UTS2B: variants seen among roughly 807,000 people sequenced by gnomAD.
UTS2B encodes the protein urotensin 2B, also known as urotensin-2B.
In UTS2B, 21 loss-of-function variants were observed where a neutral mutation model predicts 19.2. The ratio of observed to expected loss-of-function variants is 1.09; its 90% CI spans 0.78 to 1.58. The LOEUF (loss-of-function observed/expected upper bound fraction) is 1.58, where lower values mean the gene tolerates loss of function less well. Ranked by LOEUF, UTS2B falls within the 40% of genes most tolerant of loss-of-function variation. UTS2B has a pLI of 0.00. For synonymous variants in UTS2B, 57 were observed against 50.2 expected (o/e 1.14, Z -0.58); for missense variants, 138 against 130.3 (o/e 1.06, Z -0.29).
the UTS2B span, among the ~76,000 whole-genome samples, chr3:191,336,511 C>A: frequency 2.0e-5 from 3 of 151,882 alleles, no homozygotes; most frequent in South Asian, 2.1e-4. Context: ...ATTTTAAAAT[C>A]GACTATTTTC....
At chr3:191,302,234 T>C (rs888347192) in intron 4 of UTS2B, among the ~76,000 whole-genome samples, 2 of 152,194 alleles carry the variant, frequency 1.3e-5, no homozygotes, top group Admixed American at 6.5e-5. Flanking sequence ...GCCAGCATCA[T>C]GACAGTTTAC....
intron 1 of UTS2B, chr3:191,329,320 C>T (rs1576941711): frequency 4.0e-6 from 1 of 251,494 alleles, no homozygotes; most frequent in South Asian, 1.0e-4. Flanking sequence ...TACAGACCTG[C>T]AGCTCCCCCT....
In UTS2B at chr3:191,275,294, A is replaced by G; in HGVS notation, c.292T>C (p.Tyr98His). The G allele has an allele frequency of 6.2e-7, 1 of 1,613,928 alleles. No homozygotes were observed. The highest frequency in any genetic ancestry group is 8.5e-7 in the Non-Finnish European group (1 of 1,179,860). Residue 98 changes from tyrosine to histidine, a missense_variant, in exon 8 of 9, where the codon TAT (tyrosine) becomes CAT (histidine). Tyr to His is a moderately conservative substitution (Grantham distance 83). Transcript: ENST00000340524. The stretch of plus-strand genomic sequence containing the variant: ...GAAGAGAATAGACCATCTACAGCAT[A>G]GGACGTCTCAGAATCCTTCTCCTCC... ...LVEEKDSETSYAVDGLFSSHP... is the reference protein window; with the variant it reads ...LVEEKDSETSHAVDGLFSSHP...
chr3:191,271,808 AT>A (rs1467161111), intron 8 of UTS2B, among the ~76,000 whole-genome samples: 3 of 152,224 alleles, frequency 2.0e-5, no homozygotes, highest in Non-Finnish European at 4.4e-5. Context: ...GACTGAAGAT[AT>A]AAGATTCATA....
At chr3:191,327,815 C>T (rs558437295) in intron 2 of UTS2B, among the ~76,000 whole-genome samples, 82 of 152,216 alleles carry the variant, frequency 5.4e-4, no homozygotes, top group Non-Finnish European at 8.7e-4. Context: ...ATTCTCTAGA[C>T]CACAGGAAGT....
chr3:191,305,460 T>G (rs1297990317), intron 3 of UTS2B, among the ~76,000 whole-genome samples: 1 of 152,250 alleles, frequency 6.6e-6, no homozygotes, highest in Non-Finnish European at 1.5e-5. Context: ...GCCACATGCA[T>G]GTCTTCTTTG....
chr3:191,285,481 T>G (rs564483211), intron 4 of UTS2B, among the ~76,000 whole-genome samples: 2 of 152,238 alleles, frequency 1.3e-5, no homozygotes, highest in South Asian at 4.1e-4. Context: ...CACTAGTAAT[T>G]TTTTACCTAT....
the UTS2B span, among the ~76,000 whole-genome samples, chr3:191,337,151 C>T: frequency 2.7e-5 from 4 of 150,202 alleles, no homozygotes; most frequent in African/African-American, 7.4e-5. Flanking sequence ...AAATTTTTTG[C>T]GACCTGATAC....
intron 8 of UTS2B, among the ~76,000 whole-genome samples, chr3:191,268,928 G>T (rs73888523): frequency 0.018 from 2,766 of 152,300 alleles, 93 homozygotes; most frequent in African/African-American, 0.061. Context: ...AGGTCACTTT[G>T]CAGACCACAA....
rs1716407628 is a variant in UTS2B, at chr3:191,282,162, A to C, written c.28T>G (p.Cys10Gly). The change falls in exon 5 of 9, where the codon TGC becomes GGC. Residue 10 changes from cysteine to glycine, a missense_variant. Transcript: ENST00000340524. ...GATAACAAAGTTAGGAGTCCAAAGCAAACAGTGCTTGAGAGGATCTTGTTC... is the reference window on the plus strand; with the variant it reads ...GATAACAAAGTTAGGAGTCCAAAGCCAACAGTGCTTGAGAGGATCTTGTTC... The part of the protein sequence containing the change: MNKILSSTV[C>G]FGLLTLLSVL... 1 of 1,613,276 alleles carries C rather than the reference A, an allele frequency of 6.2e-7. No homozygotes were observed. Among genetic ancestry groups the C allele is most frequent in the Admixed American group, 1.7e-5 (1 of 59,886 alleles).
At chr3:191,323,264 C>T (rs1450226100) in intron 2 of UTS2B, among the ~76,000 whole-genome samples, 1 of 152,022 alleles carries the variant, frequency 6.6e-6, no homozygotes, top group Non-Finnish European at 1.5e-5. Flanking sequence ...GCTATTTCTG[C>T]CTCCTGGGTT....
At chr3:191,326,992 T>C (rs1217501735) in intron 2 of UTS2B, among the ~76,000 whole-genome samples, 1 of 152,246 alleles carries the variant, frequency 6.6e-6, no homozygotes, top group Admixed American at 6.5e-5. Context: ...GTGGCTATTA[T>C]ATATGTTTCC....
chr3:191,289,447 T>TAAATAAATAAATAAA (rs1206575948), intron 4 of UTS2B, among the ~76,000 whole-genome samples: 2 of 144,584 alleles, frequency 1.4e-5, no homozygotes, highest in East Asian at 2.0e-4. Context: ...AATAAATAAA[T>TAAATAAATAAATAAA]AAAAAACAAA....
intron 4 of UTS2B, among the ~76,000 whole-genome samples, chr3:191,287,048 T>G (rs1716564387): frequency 6.6e-6 from 1 of 151,984 alleles, no homozygotes; most frequent in African/African-American, 2.4e-5. Context: ...CCTACCAAGA[T>G]TGAATCATGA....
chr3:191,268,580 T>C (rs1716005696), intron 8 of UTS2B, 139 bp from the exon 9 acceptor site: 1 of 563,978 alleles, frequency 1.8e-6, no homozygotes, highest in South Asian at 2.4e-5. Flanking sequence ...ACTAGCCTCA[T>C]GTGGATCTTT....
intron 3 of UTS2B, among the ~76,000 whole-genome samples, chr3:191,309,146 C>T (rs1717220245): frequency 6.6e-6 from 1 of 152,090 alleles, no homozygotes. Flanking sequence ...CTTGTGGGCA[C>T]AGGGACTGGC....
chr3:191,276,907 T>A, intron 6 of UTS2B, 63 bp from the exon 7 acceptor site: 1 of 1,442,936 alleles, frequency 6.9e-7, no homozygotes, highest in Non-Finnish European at 9.7e-7. Context: ...TTTGCTTCAG[T>A]ACACACATTT....
At chr3:191,287,844 G>A (rs1716599434) in intron 4 of UTS2B, among the ~76,000 whole-genome samples, 1 of 152,044 alleles carries the variant, frequency 6.6e-6, no homozygotes, top group Admixed American at 6.5e-5. Flanking sequence ...AGGAAAGGAA[G>A]AAGTTAAATT....
At chr3:191,322,098 G>A (rs182053163) in intron 2 of UTS2B, among the ~76,000 whole-genome samples, 26 of 152,150 alleles carry the variant, frequency 1.7e-4, no homozygotes, top group African/African-American at 5.8e-4. Context: ...CATTCATTAT[G>A]TATAATATAT....
Sources: allele counts gnomAD v4.1 joint callset (sites outside exome capture counted in the v4.1 genomes callset), GRCh38; gene constraint gnomAD v4.1.1; transcripts MANE v1.5; gene names NCBI Gene and HGNC (gene_info 2026-07-23, HGNC 2026-07-21).